Variants in PSAT1 observed in about 807,000 individuals in gnomAD.
PSAT1 encodes the protein phosphoserine aminotransferase 1, also known as phosphoserine aminotransferase.
In PSAT1, 41 loss-of-function variants were observed where a neutral mutation model predicts 40.3. The ratio of observed to expected loss-of-function variants is 1.02; its 90% CI spans 0.79 to 1.32. PSAT1 has a LOEUF of 1.32. PSAT1 is among the 40% of genes most tolerant of loss of function. The probability of loss-of-function intolerance (pLI) is 0.00; values close to 1 mark genes in which losing one functional copy is unlikely to be tolerated. For synonymous variants in PSAT1, 147 were observed against 170.5 expected (o/e 0.86, Z 1.07); for missense variants, 406 against 455.8 (o/e 0.89, Z 0.99).
chr9:78,317,311 G>A (rs1390861503), intron 6 of PSAT1, among the ~76,000 whole-genome samples: 1 of 152,016 alleles, frequency 6.6e-6, no homozygotes, highest in African/African-American at 2.4e-5. Flanking sequence ...AGAGTGCATT[G>A]GTGTGATCAT....
chr9:78,297,586 G>A (rs1828045192), intron 1 of PSAT1, among the ~76,000 whole-genome samples: 1 of 152,248 alleles, frequency 6.6e-6, no homozygotes, highest in Non-Finnish European at 1.5e-5. Flanking sequence ...CGCCCGGGCT[G>A]TGCCATCTCC....
Position 78,326,955 on chromosome 9 carries a change from A to ATATTTTTTTT in PSAT1, c.870-1095_870-1094insATTTTTTTTT. ...CAGCAATATATATATATATATATAT[A>ATATTTTTTTT]TTTTTTTTTTTTTTTTTTGAGACAG... On this transcript the variant is annotated intron_variant, in intron 7 of 8. Transcript: ENST00000376588. 5.8e-3 allele frequency among the ~76,000 whole-genome samples: 438 copies of ATATTTTTTTT among 75,900 alleles called. 24 individuals are homozygous for ATATTTTTTTT. Among genetic ancestry groups the ATATTTTTTTT allele is most frequent in the African/African-American group, 0.038 (395 of 10,506 alleles). 49.8% of individuals were successfully genotyped at this position (75,900 alleles called of 152,430 possible).
At position 78,308,557 on chromosome 9, in the gene PSAT1, CT is replaced by C; in HGVS notation, c.716del (p.Leu239CysfsTer63). On this transcript the variant is annotated frameshift_variant, in exon 6 of 9. Transcript: ENST00000376588. LOFTEE classifies it high-confidence loss of function. ...ACAAGGTGCAGGCTGGAAACAGCTC[CT>C]TGTACAACACGCCTCCATGTTTCAG... ...EYKVQAGNSS[L>X]YNTPPCFSIY... 1 of 1,614,074 alleles carries C rather than the reference CT, an allele frequency of 6.2e-7. No homozygotes were observed. Among genetic ancestry groups the C allele is most frequent in the East Asian group, 2.2e-5 (1 of 44,874 alleles).
At chr9:78,326,973 T>TTTTTTTTTTTTTTA (rs1204287516) in intron 7 of PSAT1, among the ~76,000 whole-genome samples, 1 of 129,234 alleles carries the variant, frequency 7.7e-6, no homozygotes, top group African/African-American at 3.3e-5. Context: ...TTTTTTTTTT[T>TTTTTTTTTTTTTTA]GAGACAGAGT....
intron 1 of PSAT1, among the ~76,000 whole-genome samples, chr9:78,300,029 A>C (rs1828084972): frequency 6.6e-6 from 1 of 152,056 alleles, no homozygotes; most frequent in Non-Finnish European, 1.5e-5. Context: ...GGGAATCCTC[A>C]CATACACAAA....
chr9:78,301,179 T>C (rs536738191), intron 2 of PSAT1, among the ~76,000 whole-genome samples: 34 of 152,198 alleles, frequency 2.2e-4, no homozygotes, highest in Non-Finnish European at 3.4e-4. Context: ...ATAGCATAAA[T>C]GCTGGTGAGA....
intron 5 of PSAT1, among the ~76,000 whole-genome samples, chr9:78,307,366 C>T (rs1482623961): frequency 6.6e-6 from 1 of 152,238 alleles, no homozygotes; most frequent in Non-Finnish European, 1.5e-5. Context: ...AGCAGAATGT[C>T]TTCAAGGTTC....
chr9:78,307,373 G>T (rs62565624), intron 5 of PSAT1, among the ~76,000 whole-genome samples: 8 of 152,152 alleles, frequency 5.3e-5, no homozygotes, highest in African/African-American at 1.4e-4. Flanking sequence ...TGTCTTCAAG[G>T]TTCGTCCATG....
chr9:78,316,781 G>T (rs1021928993), intron 6 of PSAT1, among the ~76,000 whole-genome samples: 7 of 152,194 alleles, frequency 4.6e-5, no homozygotes, highest in Non-Finnish European at 1.0e-4. Flanking sequence ...GGACTGGGAG[G>T]GGGAGCCCGT....
At chr9:78,305,051 T>G in intron 4 of PSAT1, 111 bp downstream of exon 4, 5 of 968,116 alleles carry the variant, frequency 5.2e-6, no homozygotes, top group Non-Finnish European at 8.0e-6. Flanking sequence ...GTTAGTTCAT[T>G]ACCATTTAGA....
In PSAT1 at chr9:78,297,282, C is replaced by T; in HGVS notation, c.60+12C>T. ...AGCTGCCGCACTCAGTAAGTCCCCG[C>T]GAGCGGGCGCCGGGAGTGAGGTTCA... On this transcript the variant is annotated intron_variant, in intron 1 of 8. Coordinates refer to ENST00000376588, the MANE Select transcript of PSAT1 (RefSeq NM_058179.4). 1 of 1,594,604 alleles carries T rather than the reference C, an allele frequency of 6.3e-7. No individual in the cohort carries two copies. Among genetic ancestry groups the T allele is most frequent in the Non-Finnish European group, 8.5e-7 (1 of 1,175,994 alleles).
chr9:78,312,749 T>C (rs1828286202), intron 6 of PSAT1, among the ~76,000 whole-genome samples: 1 of 152,098 alleles, frequency 6.6e-6, no homozygotes, highest in Non-Finnish European at 1.5e-5. Flanking sequence ...GCAAATTAAG[T>C]TTGTGGGCCT....
In PSAT1 at chr9:78,328,207, C is replaced by T. The variant is rs776752491; in HGVS notation, c.1007+19C>T. On this transcript the variant is annotated intron_variant, in intron 8 of 8. Coordinates refer to ENST00000376588, the MANE Select transcript of PSAT1 (RefSeq NM_058179.4). ...GGCATAGGTGAGTACATCTGCAATG[C>T]ACGAGCTTGGCAAAGAATTAGCTTA... is the stretch of plus-strand genomic sequence containing the variant. 1 of 1,613,866 alleles carries T rather than the reference C, an allele frequency of 6.2e-7. No homozygotes were observed. The highest frequency in any genetic ancestry group is 1.1e-5 in the South Asian group (1 of 91,082).
chr9:78,314,096 T>G (rs1180431844), intron 6 of PSAT1, among the ~76,000 whole-genome samples: 1 of 152,230 alleles, frequency 6.6e-6, no homozygotes, highest in Non-Finnish European at 1.5e-5. Flanking sequence ...AATGTCACAC[T>G]GGTAGTGGGA....
At chr9:78,318,934 T>G (rs927876669) in intron 7 of PSAT1, among the ~76,000 whole-genome samples, 2 of 152,216 alleles carry the variant, frequency 1.3e-5, no homozygotes, top group African/African-American at 4.8e-5. Context: ...TATCTTCATT[T>G]GCTTTTCCCT....
chr9:78,301,370 GC>G (rs1828105567), intron 2 of PSAT1, among the ~76,000 whole-genome samples: 1 of 152,076 alleles, frequency 6.6e-6, no homozygotes, highest in Non-Finnish European at 1.5e-5. Flanking sequence ...AAGTACATAA[GC>G]CTTTTATGAA....
intron 4 of PSAT1, 43 bp from the exon 5 acceptor site, chr9:78,306,271 G>T (rs748587380): frequency 4.5e-5 from 72 of 1,606,508 alleles, no homozygotes; most frequent in Non-Finnish European, 5.8e-5. Context: ...AAGGAAAGAG[G>T]AGAGTGAAAA....
chr9:78,302,161 A>G, intron 3 of PSAT1, 138 bp downstream of exon 3: 3 of 728,840 alleles, frequency 4.1e-6, no homozygotes, highest in Non-Finnish European at 7.3e-6. Context: ...ATTCTCTCCA[A>G]TTCACTATTA....
At chr9:78,326,955 A>ATATTTTTTTTTTTTTTTTT in intron 7 of PSAT1, among the ~76,000 whole-genome samples, 2 of 75,934 alleles carry the variant, frequency 2.6e-5, no homozygotes, top group East Asian at 4.2e-4. Flanking sequence ...ATATATATAT[A>ATATTTTTTTTTTTTTTTTT]TTTTTTTTTT....
Sources: allele counts gnomAD v4.1 joint callset (sites outside exome capture counted in the v4.1 genomes callset), GRCh38; gene constraint gnomAD v4.1.1; transcripts MANE v1.5; gene names NCBI Gene and HGNC (gene_info 2026-07-23, HGNC 2026-07-21).